RANBP2: variants seen among roughly 807,000 people sequenced by gnomAD.
The protein encoded by RANBP2 is RAN binding protein 2, also known as E3 SUMO-protein ligase RanBP2.
In RANBP2, 57 loss-of-function variants were observed where a neutral mutation model predicts 303.6. That is an observed-to-expected ratio of 0.19 (90% CI 0.15 to 0.23). The LOEUF (loss-of-function observed/expected upper bound fraction) is 0.23, where lower values mean the gene tolerates loss of function less well. Among genes scored for constraint, RANBP2 ranks in the 10% least tolerant of loss-of-function variants. The pLI, the probability that RANBP2 is intolerant of heterozygous loss-of-function variation, is 1.00. For missense variants in RANBP2, 3,138 were observed against 3,780.8 expected (o/e 0.83, Z 4.46); for synonymous variants, 1,167 against 1,301.5 (o/e 0.90, Z 2.23).
At chr2:109,336,808 A>G in the RANBP2 span, among the ~76,000 whole-genome samples, 1 of 152,202 alleles carries the variant, frequency 6.6e-6, no homozygotes. Context: ...ATAAATCAAC[A>G]TGGAAATGGG....
chr2:109,110,403 A>C, the RANBP2 span, among the ~76,000 whole-genome samples: 1 of 152,274 alleles, frequency 6.6e-6, no homozygotes, highest in Non-Finnish European at 1.5e-5. Context: ...GATTTCCAAC[A>C]TATCCGTGTC....
the RANBP2 span, among the ~76,000 whole-genome samples, chr2:109,689,586 C>A: frequency 6.6e-6 from 1 of 152,304 alleles, no homozygotes; most frequent in South Asian, 2.1e-4. Flanking sequence ...ATTTTCAGTA[C>A]CTGCTTCTCA....
the RANBP2 span, among the ~76,000 whole-genome samples, chr2:109,195,202 A>G: frequency 7.3e-5 from 5 of 68,480 alleles, no homozygotes; most frequent in Non-Finnish European, 1.2e-4. Context: ...TGGGGCTAGG[A>G]GAGTGATAGG....
the RANBP2 span, among the ~76,000 whole-genome samples, chr2:109,078,693 A>G: frequency 6.6e-6 from 1 of 150,506 alleles, no homozygotes; most frequent in Non-Finnish European, 1.5e-5. Flanking sequence ...CAAAAAGGTG[A>G]CCATGTGGGC....
chr2:109,590,082 G>GTA, the RANBP2 span, among the ~76,000 whole-genome samples: 1 of 145,154 alleles, frequency 6.9e-6, no homozygotes, highest in Admixed American at 6.8e-5. Context: ...ACATATATAT[G>GTA]TATATATATA....
the RANBP2 span, among the ~76,000 whole-genome samples, chr2:109,023,748 G>T: frequency 3.3e-5 from 5 of 152,142 alleles, no homozygotes; most frequent in Admixed American, 1.3e-4. Flanking sequence ...GTTTGGGGCT[G>T]CAGTGAGCCT....
the RANBP2 span, among the ~76,000 whole-genome samples, chr2:109,148,062 C>T: frequency 5.3e-5 from 8 of 152,148 alleles, no homozygotes; most frequent in Admixed American, 6.5e-5. Flanking sequence ...CTGTGGAATT[C>T]GAGTTCAGGG....
the RANBP2 span, among the ~76,000 whole-genome samples, chr2:109,264,465 C>A: frequency 2.0e-5 from 3 of 152,298 alleles, no homozygotes; most frequent in Admixed American, 1.3e-4. Context: ...CATCTACCTC[C>A]CTATATGTCC....
the RANBP2 span, chr2:108,906,495 G>T: frequency 4.2e-6 from 4 of 959,568 alleles, no homozygotes; most frequent in South Asian, 2.7e-5. Context: ...CACAGCCCCC[G>T]TGTCAGCAGC....
the RANBP2 span, among the ~76,000 whole-genome samples, chr2:109,187,793 G>A: frequency 5.3e-5 from 8 of 152,304 alleles, no homozygotes; most frequent in African/African-American, 1.2e-4. Context: ...GCTTGCTTCC[G>A]ACTTCCCTCT....
chr2:109,249,136 C>T, the RANBP2 span, among the ~76,000 whole-genome samples: 1 of 152,178 alleles, frequency 6.6e-6, no homozygotes, highest in Admixed American at 6.5e-5. Context: ...CTGTCTTGGC[C>T]TCTCAAAAAA....
chr2:109,316,865 C>T, the RANBP2 span, among the ~76,000 whole-genome samples: 1 of 152,204 alleles, frequency 6.6e-6, no homozygotes, highest in African/African-American at 2.4e-5. Context: ...TGTAGTTCTG[C>T]GTTCTCCAGA....
chr2:109,554,805 T>C, the RANBP2 span, among the ~76,000 whole-genome samples: 26 of 152,176 alleles, frequency 1.7e-4, no homozygotes, highest in Non-Finnish European at 3.4e-4. Flanking sequence ...AAACATGAAA[T>C]TTCCTATAGC....
chr2:109,632,719 T>C, the RANBP2 span, among the ~76,000 whole-genome samples: 5 of 151,882 alleles, frequency 3.3e-5, no homozygotes, highest in African/African-American at 1.2e-4. Context: ...CTCAGGAGGC[T>C]GAGGCAGGAG....
chr2:109,114,483 C>A, the RANBP2 span, among the ~76,000 whole-genome samples: 1 of 151,998 alleles, frequency 6.6e-6, no homozygotes, highest in Admixed American at 6.6e-5. Flanking sequence ...GTGATATCCC[C>A]TTTATCATTT....
chr2:108,835,042 A>G, the RANBP2 span, among the ~76,000 whole-genome samples: 1 of 152,262 alleles, frequency 6.6e-6, no homozygotes, highest in South Asian at 2.1e-4. Context: ...AGATTCAAAT[A>G]ATGCTGCTAG....
At chr2:108,790,896 C>A in the RANBP2 span, among the ~76,000 whole-genome samples, 2 of 151,942 alleles carry the variant, frequency 1.3e-5, no homozygotes. Context: ...GGACTACAGA[C>A]GTGCACCACT....
At chr2:109,073,609 C>T in the RANBP2 span, among the ~76,000 whole-genome samples, 2 of 149,794 alleles carry the variant, frequency 1.3e-5, 1 homozygote, top group South Asian at 4.3e-4. Flanking sequence ...GCTGAGGTTG[C>T]AGTGAGCTGA....
the RANBP2 span, chr2:108,929,206 G>T: frequency 6.2e-7 from 1 of 1,614,042 alleles, no homozygotes. Flanking sequence ...ACCCAGGGAG[G>T]CAAGGGCCAC....
Sources: gnomAD v4.1 joint callset for allele counts (sites outside exome capture counted in the v4.1 genomes callset) on GRCh38, gnomAD v4.1.1 for gene constraint, MANE v1.5 for transcripts, NCBI Gene and HGNC (gene_info 2026-07-23, HGNC 2026-07-21) for gene names.